The following SLC13A3 variants were observed in gnomAD, a reference collection of about 807,000 sequenced individuals.
SLC13A3 encodes solute carrier family 13 member 3, also known as Na(+)/dicarboxylate cotransporter 3.
Under a neutral mutation model 59.0 loss-of-function variants are expected in SLC13A3, and 40 were observed. The ratio of observed to expected loss-of-function variants is 0.68; its 90% CI spans 0.53 to 0.88. SLC13A3 has a LOEUF of 0.88. Among genes scored for constraint, SLC13A3 ranks in the 40% least tolerant of loss-of-function variants. The probability of loss-of-function intolerance (pLI) is 0.00; values close to 1 mark genes in which losing one functional copy is unlikely to be tolerated. For missense variants in SLC13A3, 699 were observed against 783.2 expected (o/e 0.89, Z 1.28); for synonymous variants, 317 against 330.3 (o/e 0.96, Z 0.44).
At chr20:46,617,808 T>C (rs1450587804) in intron 1 of SLC13A3, among the ~76,000 whole-genome samples, 4 of 152,170 alleles carry the variant, frequency 2.6e-5, no homozygotes, top group Non-Finnish European at 5.9e-5. Flanking sequence ...ACTGACTTTC[T>C]TCCACCCATG....
chr20:46,569,724 T>C (rs1394978219), intron 10 of SLC13A3, among the ~76,000 whole-genome samples: 1 of 152,182 alleles, frequency 6.6e-6, no homozygotes. Context: ...TTATGTTCCT[T>C]AGTGGCCTTG....
intron 1 of SLC13A3, among the ~76,000 whole-genome samples, chr20:46,669,434 C>T (rs1427485027): frequency 6.6e-6 from 1 of 152,180 alleles, no homozygotes; most frequent in Admixed American, 6.5e-5. Flanking sequence ...TACAACCACC[C>T]TTCCAGATGG....
intron 11 of SLC13A3, among the ~76,000 whole-genome samples, chr20:46,565,610 G>C (rs2061973165): frequency 6.6e-6 from 1 of 152,008 alleles, no homozygotes; most frequent in African/African-American, 2.4e-5. Context: ...AGGCATGAGT[G>C]GCAGAGCCCG....
chr20:46,609,744 G>C (rs2062473505), intron 3 of SLC13A3, among the ~76,000 whole-genome samples: 1 of 152,092 alleles, frequency 6.6e-6, no homozygotes, highest in South Asian at 2.1e-4. Context: ...ATGCTCAATG[G>C]CATGTATCCA....
chr20:46,681,485 TGAAG>T (rs1240662213), intron 1 of SLC13A3, among the ~76,000 whole-genome samples: 2 of 149,420 alleles, frequency 1.3e-5, no homozygotes, highest in African/African-American at 5.1e-5. Flanking sequence ...AGAGAGAAAG[TGAAG>T]GGAGGTTTAC....
In SLC13A3 at chr20:46,682,211, A is replaced by C. The variant is rs557154101; in HGVS notation, c.-31+2185T>G. 8 of 152,332 alleles carry C rather than the reference A, an allele frequency of 5.3e-5. No homozygotes were observed. In the South Asian group the frequency reaches 1.2e-3, roughly 24 times the overall value. The allele number at this position is 152,332 out of a possible 1,614,324, so 9.4% of individuals were successfully genotyped here. A position where few individuals can be genotyped will look rare whatever the true frequency, so the allele number is the denominator to read the frequency against. On this transcript the variant is annotated intron_variant, in intron 1 of 6. Coordinates refer to the SLC13A3 transcript ENST00000372121. ...ATGGTTTTAAAAATCAAATTGGCAA[A>C]CTATCGCCCACGGGCCGACTGTCTG...
At chr20:46,597,310 T>A (rs1055965360) in intron 4 of SLC13A3, among the ~76,000 whole-genome samples, 1 of 152,192 alleles carries the variant, frequency 6.6e-6, no homozygotes, top group African/African-American at 2.4e-5. Context: ...TGAAATGATG[T>A]CCGCTATTCT....
At chr20:46,646,257 G>C (rs554903720) in intron 1 of SLC13A3, among the ~76,000 whole-genome samples, 1 of 152,350 alleles carries the variant, frequency 6.6e-6, no homozygotes, top group South Asian at 2.1e-4. Flanking sequence ...AGGAGGAGGA[G>C]TGACCGAAGT....
At chr20:46,629,012 A>C (rs749381830) in intron 1 of SLC13A3, among the ~76,000 whole-genome samples, 1 of 152,240 alleles carries the variant, frequency 6.6e-6, no homozygotes, top group South Asian at 2.1e-4. Flanking sequence ...TACATCACAG[A>C]GGATTCCATT....
chr20:46,581,471 G>A (rs2062137073), intron 9 of SLC13A3, among the ~76,000 whole-genome samples: 1 of 152,230 alleles, frequency 6.6e-6, no homozygotes, highest in African/African-American at 2.4e-5. Context: ...ACCTGAAGGT[G>A]AAAGAATGAA....
intron 10 of SLC13A3, among the ~76,000 whole-genome samples, chr20:46,575,168 G>C (rs1207567706): frequency 6.6e-6 from 1 of 152,026 alleles, no homozygotes; most frequent in Non-Finnish European, 1.5e-5. Flanking sequence ...AAAAGAGAGA[G>C]GGTCTCACTA....
intron 8 of SLC13A3, chr20:46,584,255 G>C: frequency 1.0e-6 from 1 of 985,428 alleles, no homozygotes; most frequent in Middle Eastern, 5.2e-4. Context: ...GGGTCAAAGA[G>C]CAGAAACAAC....
chr20:46,659,326 A>T (rs1172786333), intron 1 of SLC13A3, among the ~76,000 whole-genome samples: 1 of 151,418 alleles, frequency 6.6e-6, no homozygotes, highest in Non-Finnish European at 1.5e-5. Flanking sequence ...TTTCTGTTTT[A>T]TTATTTTAGT....
At chr20:46,638,581 C>T (rs550457532) in intron 1 of SLC13A3, among the ~76,000 whole-genome samples, 11 of 152,220 alleles carry the variant, frequency 7.2e-5, no homozygotes, top group Non-Finnish European at 1.5e-4. Flanking sequence ...GTGCCTTTCT[C>T]GTGCCTGGAA....
At chr20:46,600,461 A>C (rs2062369304) in intron 3 of SLC13A3, 1 of 182,698 alleles carries the variant, frequency 5.5e-6, no homozygotes, top group African/African-American at 2.4e-5. Flanking sequence ...AAGGAAAAAG[A>C]AAAGAAAGGT....
rs371150292 is a variant in SLC13A3, at chr20:46,600,090, GT to G, written c.542-54del. The G allele has an allele frequency of 1.8e-5, 25 of 1,384,468 alleles. No individual in the cohort carries two copies. The African/African-American group carries it at 2.5e-4, about 14-fold the overall frequency. The allele number at this position is 1,384,468 out of a possible 1,614,324, so 85.8% of individuals were successfully genotyped here. On this transcript the variant is annotated intron_variant, in intron 3 of 12. Coordinates refer to ENST00000279027, the MANE Select transcript of SLC13A3 (RefSeq NM_022829.6). ...ATGTAATGTAGCGAATGGAACAGGA[GT>G]GTCCCAAATCTTGTGAAGTCAGTCA...
At chr20:46,628,692 T>C (rs1184316373) in intron 1 of SLC13A3, among the ~76,000 whole-genome samples, 2 of 152,242 alleles carry the variant, frequency 1.3e-5, no homozygotes, top group Admixed American at 1.3e-4. Flanking sequence ...GGGTCACATG[T>C]GGAATTTAAG....
chr20:46,581,869 G>C (rs964206924), intron 9 of SLC13A3, among the ~76,000 whole-genome samples: 1 of 152,188 alleles, frequency 6.6e-6, no homozygotes, highest in East Asian at 1.9e-4. Flanking sequence ...CCATTTGGAA[G>C]ACTGACTGGA....
rs73313010 is a variant in SLC13A3, at chr20:46,617,815, C to G, written c.112-4090G>C. ...TGCGCAAAACTGACTTTCTTCCACCCATGCTTGGTATCCTGCTCCACAATG... is the reference window on the plus strand; with the variant it reads ...TGCGCAAAACTGACTTTCTTCCACCGATGCTTGGTATCCTGCTCCACAATG... On this transcript the variant is annotated intron_variant, in intron 1 of 12. Transcript: ENST00000279027. Among the ~76,000 whole-genome samples the G allele has an allele frequency of 3.5e-3, 539 of 152,294 alleles. 8 individuals are homozygous for G. The highest frequency in any genetic ancestry group is 0.013 in the African/African-American group (524 of 41,566).
Sources: gnomAD v4.1 joint callset for allele counts (sites outside exome capture counted in the v4.1 genomes callset) on GRCh38, gnomAD v4.1.1 for gene constraint, MANE v1.5 for transcripts, NCBI Gene and HGNC (gene_info 2026-07-23, HGNC 2026-07-21) for gene names.